RIC1: variants seen among roughly 807,000 people sequenced by gnomAD.
RIC1 encodes the protein guanine nucleotide exchange factor subunit RIC1.
RIC1 carries 88 observed loss-of-function variants against 169.0 expected under a neutral mutation model. That is an observed-to-expected ratio of 0.52 (90% CI 0.44 to 0.62). The LOEUF (loss-of-function observed/expected upper bound fraction) is 0.62. Ranked by LOEUF, RIC1 falls within the 20% of genes least tolerant of loss-of-function variation. The pLI, the probability that RIC1 is intolerant of heterozygous loss-of-function variation, is 0.00. For missense variants in RIC1, 1,877 were observed against 1,725.5 expected, an observed-to-expected ratio of 1.09 and a Z score of -1.56; for synonymous variants, 790 against 601.5, an observed-to-expected ratio of 1.31 and a Z score of -4.59.
intron 3 of RIC1, among the ~76,000 whole-genome samples, chr9:5,705,570 A>G (rs1377298799): frequency 6.6e-6 from 1 of 152,146 alleles, no homozygotes; most frequent in Non-Finnish European, 1.5e-5. Context: ...CTATACTATT[A>G]TGACATCTTT....
Position 5,754,912 on chromosome 9 carries a change from A to C in RIC1, c.1674A>C (p.Ile558=). Reference sequence around the variant, plus strand: ...TTATGGTCCTTGCGTGTTATAACATAAATGACCGTCAAGAAGAGGTAAGTT... The same window carrying C: ...TTATGGTCCTTGCGTGTTATAACATCAATGACCGTCAAGAAGAGGTAAGTT... ...NDFMVLACYN[I]NDRQEELRVY... is the part of the protein sequence containing the mutation. Residue 558 remains isoleucine (I), a synonymous_variant, in exon 15 of 26, where the codon ATA becomes ATC. Transcript: ENST00000414202. 6.4e-7 allele frequency: 1 copy of C among 1,556,442 alleles called. No homozygotes were observed. The highest frequency in any genetic ancestry group is 8.7e-7 in the Non-Finnish European group (1 of 1,142,886).
intron 8 of RIC1, 63 bp from the exon 9 acceptor site, chr9:5,742,806 A>AAAC (rs1825156820): frequency 6.9e-6 from 10 of 1,439,394 alleles, no homozygotes; most frequent in East Asian, 2.4e-5. Flanking sequence ...TTGAAAAAAA[A>AAAC]AAAAAAACAA....
chr9:5,660,631 G>A (rs1203501279), intron 2 of RIC1, among the ~76,000 whole-genome samples: 1 of 151,842 alleles, frequency 6.6e-6, no homozygotes, highest in African/African-American at 2.4e-5. Context: ...AAATGTATTT[G>A]TTGGCCACAT....
intron 23 of RIC1, among the ~76,000 whole-genome samples, chr9:5,771,126 A>G (rs1398349036): frequency 6.6e-6 from 1 of 152,200 alleles, no homozygotes; most frequent in African/African-American, 2.4e-5. Flanking sequence ...TGTAGTGTTA[A>G]TTATGCCCAC....
intron 8 of RIC1, among the ~76,000 whole-genome samples, chr9:5,742,182 T>C (rs1452687822): frequency 1.3e-5 from 2 of 152,180 alleles, no homozygotes; most frequent in Non-Finnish European, 2.9e-5. Flanking sequence ...ATATAGTCCA[T>C]TGTAGTCCCA....
At chr9:5,673,535 G>GAGAGATATATATATATATATATAT (rs1554663215) in intron 2 of RIC1, among the ~76,000 whole-genome samples, 2 of 119,304 alleles carry the variant, frequency 1.7e-5, no homozygotes, top group African/African-American at 3.6e-5. Flanking sequence ...AACATAAGGA[G>GAGAGATATATATATATATATATAT]ATATATATAT....
intron 8 of RIC1, among the ~76,000 whole-genome samples, chr9:5,739,354 C>T (rs1440036980): frequency 6.6e-6 from 1 of 152,162 alleles, no homozygotes; most frequent in Non-Finnish European, 1.5e-5. Flanking sequence ...AGAATCCCTA[C>T]TTAGTGGGCC....
intron 4 of RIC1, among the ~76,000 whole-genome samples, chr9:5,717,456 A>C (rs753236839): frequency 2.6e-5 from 4 of 152,188 alleles, no homozygotes; most frequent in Non-Finnish European, 5.9e-5. Context: ...GAAGTAATCA[A>C]AAGGATCAGA....
chr9:5,682,136 T>C (rs1339929885), intron 2 of RIC1, among the ~76,000 whole-genome samples: 3 of 152,260 alleles, frequency 2.0e-5, no homozygotes, highest in African/African-American at 7.2e-5. Context: ...TGTCTTTTAA[T>C]TGGAGCATTT....
At chr9:5,675,291 G>A (rs182179613) in intron 2 of RIC1, among the ~76,000 whole-genome samples, 10 of 152,202 alleles carry the variant, frequency 6.6e-5, no homozygotes, top group Admixed American at 5.9e-4. Flanking sequence ...TAATGGGAAC[G>A]AGTCAGGGTG....
intron 1 of RIC1, among the ~76,000 whole-genome samples, chr9:5,648,015 C>T (rs1818616977): frequency 6.7e-6 from 1 of 149,994 alleles, no homozygotes; most frequent in Non-Finnish European, 1.5e-5. Flanking sequence ...TTTTTTCTTG[C>T]TCTGTTGCCC....
rs538562333 is a variant in RIC1, at chr9:5,724,242, T to A, written c.720+3492T>A. On this transcript the variant is annotated intron_variant, in intron 6 of 25. Coordinates refer to ENST00000414202, the MANE Select transcript of RIC1 (RefSeq NM_020829.4). ...TGTCCTCTTTTATTTCGTTGAGCAG[T>A]GGTTTGTAGTTCTCCTTGAAGAGGT... Among the ~76,000 whole-genome samples the A allele has an allele frequency of 3.3e-5, 5 of 152,364 alleles. No homozygotes were observed. In the South Asian group the frequency reaches 1.0e-3, roughly 32 times the overall value.
intron 1 of RIC1, among the ~76,000 whole-genome samples, chr9:5,646,029 C>T (rs951627890): frequency 6.7e-6 from 1 of 149,038 alleles, no homozygotes; most frequent in African/African-American, 2.5e-5. Flanking sequence ...CAGTGTACAT[C>T]ATTTTACATT....
Position 5,774,052 on chromosome 9 carries a change from C to G in RIC1, c.4078C>G (p.Pro1360Ala). 1 of 1,614,056 alleles carries G rather than the reference C, an allele frequency of 6.2e-7. No individual in the cohort carries two copies. Among genetic ancestry groups the G allele is most frequent in the Non-Finnish European group, 8.5e-7 (1 of 1,179,974 alleles). ...GCAGGTCCAGCCAGATGCCTTCCAA[C>G]CAATAACTATGGGTAAGACTCCAGA... ...EEQVQPDAFQ[P>A]ITMGKTPEQT... Residue 1360 changes from proline to alanine, a missense_variant, in exon 26 of 26, where the codon CCA becomes GCA. Pro to Ala is a conservative substitution (Grantham distance 27). Transcript: ENST00000414202.
chr9:5,735,748 C>G (rs562093730), intron 7 of RIC1, among the ~76,000 whole-genome samples: 2 of 152,250 alleles, frequency 1.3e-5, no homozygotes, highest in African/African-American at 4.8e-5. Context: ...TGCAGCAGAT[C>G]AGTATTTTAA....
chr9:5,674,419 A>G (rs562511797), intron 2 of RIC1, among the ~76,000 whole-genome samples: 1 of 152,318 alleles, frequency 6.6e-6, no homozygotes, highest in South Asian at 2.1e-4. Context: ...TATAAGCCAG[A>G]TTACTATGAC....
chr9:5,650,914 T>TGTTA (rs1167403527), intron 1 of RIC1, among the ~76,000 whole-genome samples: 5 of 152,110 alleles, frequency 3.3e-5, no homozygotes, highest in African/African-American at 1.2e-4. Context: ...ATGCAGGGAA[T>TGTTA]GTTAGTAGGG....
intron 12 of RIC1, among the ~76,000 whole-genome samples, chr9:5,750,070 C>G (rs1393005239): frequency 2.6e-5 from 4 of 151,982 alleles, no homozygotes; most frequent in African/African-American, 7.3e-5. Flanking sequence ...AGCCACCGCA[C>G]CCAGCCAAAG....
At chr9:5,669,308 C>T (rs917748658) in intron 2 of RIC1, among the ~76,000 whole-genome samples, 3 of 152,136 alleles carry the variant, frequency 2.0e-5, no homozygotes, top group Non-Finnish European at 2.9e-5. Flanking sequence ...CCTGAGTCCC[C>T]AAAGTCCATT....
Sources: allele counts gnomAD v4.1 joint callset (sites outside exome capture counted in the v4.1 genomes callset), GRCh38; gene constraint gnomAD v4.1.1; transcripts MANE v1.5; gene names NCBI Gene and HGNC (gene_info 2026-07-23, HGNC 2026-07-21).